Variants in DNM3 observed in about 807,000 individuals in gnomAD.
The protein encoded by DNM3 is dynamin 3, also known as dynamin-3.
DNM3 carries 47 observed loss-of-function variants against 101.6 expected under a neutral mutation model. That is an observed-to-expected ratio of 0.46 (90% CI 0.37 to 0.59). The LOEUF is 0.59. Among genes scored for constraint, DNM3 ranks in the 20% least tolerant of loss-of-function variants. The pLI is 0.00. For missense variants in DNM3, 849 were observed against 1,085.7 expected, an observed-to-expected ratio of 0.78 and a Z score of 3.06; for synonymous variants, 385 against 387.9, an observed-to-expected ratio of 0.99 and a Z score of 0.09.
At chr1:171,894,635 T>C (rs1226805535) in intron 1 of DNM3, among the ~76,000 whole-genome samples, 3 of 152,140 alleles carry the variant, frequency 2.0e-5, no homozygotes, top group Non-Finnish European at 4.4e-5. Flanking sequence ...GTGCACAATG[T>C]GCAGGTTTGT....
In DNM3 at chr1:172,410,317, G is replaced by T; in HGVS notation, c.*2476G>T. 1.0e-6 allele frequency: 1 copy of T among 985,330 alleles called. No homozygotes were observed. The highest frequency in any genetic ancestry group is 1.2e-6 in the Non-Finnish European group (1 of 829,862). 61.0% of individuals were successfully genotyped at this position (985,330 alleles called of 1,614,324 possible). On this transcript the variant is annotated 3_prime_UTR_variant, in exon 21 of 21. Coordinates refer to ENST00000627582, the MANE Select transcript of DNM3 (RefSeq NM_015569.5). The stretch of plus-strand genomic sequence containing the variant: ...GCACACCAGGCCTTAAGATGGGAAT[G>T]TAGCTTAATGATTTTCTGTTTCCCA...
At chr1:172,242,700 C>A (rs1368291633) in intron 14 of DNM3, among the ~76,000 whole-genome samples, 1 of 152,184 alleles carries the variant, frequency 6.6e-6, no homozygotes, top group African/African-American at 2.4e-5. Flanking sequence ...GCCTTGGCTC[C>A]CCAAACAACT....
intron 14 of DNM3, among the ~76,000 whole-genome samples, chr1:172,179,090 G>A (rs1283164542): frequency 1.3e-5 from 2 of 151,896 alleles, no homozygotes; most frequent in Non-Finnish European, 2.9e-5. Flanking sequence ...TTGTTTTGTG[G>A]AGCCTACTTT....
chr1:172,109,725 C>A (rs1051979584), intron 13 of DNM3, among the ~76,000 whole-genome samples: 2 of 152,194 alleles, frequency 1.3e-5, no homozygotes, highest in African/African-American at 4.8e-5. Flanking sequence ...CATTTCCCAT[C>A]AGAAATCAGA....
chr1:172,058,389 T>G (rs1422654718), intron 10 of DNM3, among the ~76,000 whole-genome samples: 1 of 150,430 alleles, frequency 6.6e-6, no homozygotes, highest in Admixed American at 6.6e-5. Context: ...CAACAGAATA[T>G]ACATTTTTTT....
intron 1 of DNM3, among the ~76,000 whole-genome samples, chr1:171,892,075 A>G (rs962074297): frequency 2.0e-5 from 3 of 152,170 alleles, no homozygotes; most frequent in African/African-American, 7.2e-5. Flanking sequence ...TTATAATCCA[A>G]TGCTACTTTA....
At position 171,932,132 on chromosome 1, in the gene DNM3, CTCTT is replaced by C. The variant is rs200283774; in HGVS notation, c.235+10318_235+10321del. On this transcript the variant is annotated intron_variant, in intron 2 of 20. Transcript: ENST00000627582. ...CCTCCCTTCCTTCCTCTCTCTTTCT[CTCTT>C]TCTTTCCTTCTTTCCTCATTTTTGA... Among the ~76,000 whole-genome samples the C allele has an allele frequency of 1.1e-3, 164 of 143,602 alleles. 4 individuals are homozygous for C. In the East Asian group the frequency reaches 0.032, roughly 28 times the overall value. 94.2% of individuals were successfully genotyped at this position (143,602 alleles called of 152,430 possible).
intron 14 of DNM3, among the ~76,000 whole-genome samples, chr1:172,180,449 T>C (rs1280567012): frequency 6.6e-6 from 1 of 152,108 alleles, no homozygotes; most frequent in Non-Finnish European, 1.5e-5. Context: ...CTAGAAAATA[T>C]TCTGATAGAT....
intron 14 of DNM3, among the ~76,000 whole-genome samples, chr1:172,194,075 G>A (rs560322281): frequency 6.6e-6 from 1 of 152,032 alleles, no homozygotes; most frequent in Admixed American, 6.6e-5. Context: ...TGTTCTCATT[G>A]GTTTCAAAGA....
chr1:171,883,065 A>G (rs994567287), intron 1 of DNM3, among the ~76,000 whole-genome samples: 1 of 151,928 alleles, frequency 6.6e-6, no homozygotes, highest in African/African-American at 2.4e-5. Context: ...TCAATTTTGT[A>G]TCTGATTTTA....
chr1:171,880,982 G>T (rs1179566359), intron 1 of DNM3, among the ~76,000 whole-genome samples: 1 of 151,842 alleles, frequency 6.6e-6, no homozygotes, highest in East Asian at 1.9e-4. Flanking sequence ...ATTATTTTGT[G>T]GCTAATTTAT....
rs553636838 is a variant in DNM3, at chr1:171,891,243, C to T, written c.162-30505C>T. Among the ~76,000 whole-genome samples, 11 of 151,836 alleles carry T rather than the reference C, an allele frequency of 7.2e-5. 1 individual carries two copies. In the South Asian group the frequency reaches 2.3e-3, roughly 32 times the overall value. ...CTGCAGGTATAGATTTGGCAGTCGT[C>T]CTATACAGTAAACATCACAGCTTTT... On this transcript the variant is annotated intron_variant, in intron 1 of 20. Coordinates refer to ENST00000627582, the MANE Select transcript of DNM3 (RefSeq NM_015569.5).
chr1:172,289,373 T>C (rs1359240617), intron 15 of DNM3: 1 of 180,360 alleles, frequency 5.5e-6, no homozygotes, highest in Admixed American at 6.5e-5. Flanking sequence ...GTAACATCCA[T>C]AATTGATACA....
At chr1:172,057,093 A>G (rs1203445655) in intron 10 of DNM3, among the ~76,000 whole-genome samples, 1 of 152,166 alleles carries the variant, frequency 6.6e-6, no homozygotes, top group Non-Finnish European at 1.5e-5. Context: ...AAAGGGTATC[A>G]GCAATGGAAG....
chr1:171,869,520 TCTC>T (rs2035077572), intron 1 of DNM3, among the ~76,000 whole-genome samples: 1 of 152,210 alleles, frequency 6.6e-6, no homozygotes, highest in African/African-American at 2.4e-5. Flanking sequence ...GAAATCCTCT[TCTC>T]CAGTTATACT....
chr1:172,155,560 AAGCCTACACTCAG>A (rs1661566492), intron 14 of DNM3, among the ~76,000 whole-genome samples: 1 of 152,050 alleles, frequency 6.6e-6, no homozygotes, highest in Non-Finnish European at 1.5e-5. Flanking sequence ...TAATTTGTCT[AAGCCTACACTCAG>A]AGCCAAGGGG....
intron 14 of DNM3, among the ~76,000 whole-genome samples, chr1:172,223,972 T>G (rs2061008597): frequency 1.3e-5 from 2 of 152,190 alleles, no homozygotes; most frequent in Non-Finnish European, 1.5e-5. Flanking sequence ...TTATACCAGC[T>G]TAATCTCCAT....
chr1:172,215,398 A>G (rs1227100711), intron 14 of DNM3, among the ~76,000 whole-genome samples: 1 of 152,110 alleles, frequency 6.6e-6, no homozygotes, highest in African/African-American at 2.4e-5. Flanking sequence ...GGCATCAAAT[A>G]AGGTATGCTT....
intron 1 of DNM3, among the ~76,000 whole-genome samples, chr1:171,869,628 A>T (rs999251905): frequency 2.0e-5 from 3 of 152,144 alleles, no homozygotes; most frequent in Non-Finnish European, 4.4e-5. Context: ...CACTTACTTA[A>T]TTACAAATGG....
Sources: allele counts gnomAD v4.1 joint callset (sites outside exome capture counted in the v4.1 genomes callset), GRCh38; gene constraint gnomAD v4.1.1; transcripts MANE v1.5; gene names NCBI Gene and HGNC (gene_info 2026-07-23, HGNC 2026-07-21).